The following ATP2A2 variants were observed in gnomAD, a reference collection of about 807,000 sequenced individuals.
ATP2A2 encodes the protein sarcoplasmic/endoplasmic reticulum calcium ATPase 2.
Under a neutral mutation model 109.3 loss-of-function variants are expected in ATP2A2, and 14 were observed. The observed-to-expected ratio is 0.13, with a 90% CI of 0.08 to 0.20. The LOEUF (loss-of-function observed/expected upper bound fraction) is 0.20. Ranked by LOEUF, ATP2A2 falls within the 10% of genes least tolerant of loss-of-function variation. The pLI is 1.00. For synonymous variants in ATP2A2, 506 were observed against 490.9 expected (o/e 1.03, Z -0.41); for missense variants, 657 against 1,321.6 (o/e 0.50, Z 7.80).
intron 5 of ATP2A2, among the ~76,000 whole-genome samples, chr12:110,304,949 A>G (rs1254150386): frequency 6.6e-6 from 1 of 151,336 alleles, no homozygotes; most frequent in Non-Finnish European, 1.5e-5. Context: ...TTTCTTTTTG[A>G]GACGGAGTCT....
Position 110,327,518 on chromosome 12 carries a change from T to C in ATP2A2, c.631-35T>C, listed in dbSNP as rs1353714297. On this transcript the variant is annotated intron_variant, in intron 7 of 19. Transcript: ENST00000539276. The surrounding 1 kb of genome is among the most constrained non-coding windows in gnomAD (Gnocchi z 4.4). Reference sequence around the variant, plus strand: ...TCGGTATTTAAGTTGGGATGTGGTATTCATCTTGTGACCAGTTCTCTACTT... The same window carrying C: ...TCGGTATTTAAGTTGGGATGTGGTACTCATCTTGTGACCAGTTCTCTACTT... 6.3e-7 allele frequency: 1 copy of C among 1,588,912 alleles called. No individual in the cohort carries two copies. Among genetic ancestry groups the C allele is most frequent in the Non-Finnish European group, 8.6e-7 (1 of 1,157,148 alleles).
chr12:110,316,721 CAGTG>C (rs763960236), intron 5 of ATP2A2, among the ~76,000 whole-genome samples: 4 of 152,040 alleles, frequency 2.6e-5, no homozygotes, highest in African/African-American at 4.8e-5. Context: ...TGTGGGCACA[CAGTG>C]AGGGATGCCA....
At chr12:110,309,971 CA>C (rs1317174317) in intron 5 of ATP2A2, among the ~76,000 whole-genome samples, 3 of 151,400 alleles carry the variant, frequency 2.0e-5, no homozygotes, top group Non-Finnish European at 4.4e-5. Flanking sequence ...AGTAATTCTA[CA>C]TTATCTTAAG....
rs1284794865 is a variant in ATP2A2, at chr12:110,340,834, A to G, written c.1937A>G (p.Asp646Gly). The G allele has an allele frequency of 6.8e-6, 11 of 1,614,226 alleles. No individual in the cohort carries two copies. The highest frequency in any genetic ancestry group is 9.3e-6 in the Non-Finnish European group (11 of 1,180,044). ...ATCGGCATCTTCGGGCAGGATGAGG[A>G]CGTGACGTCAAAAGCTTTCACAGGC... Reference protein sequence around the residue: ...RRIGIFGQDEDVTSKAFTGRE... With the variant: ...RRIGIFGQDEGVTSKAFTGRE... The change falls in exon 14 of 20, where the codon GAC becomes GGC. Residue 646 changes from aspartate (D) to glycine (G), a missense_variant. This residue lies in a region of ATP2A2 where 180 missense variants were observed against 329.1 expected (regional missense o/e 0.55). Coordinates refer to ENST00000539276, the MANE Select transcript of ATP2A2 (RefSeq NM_170665.4). The surrounding 1 kb of genome is among the most constrained non-coding windows in gnomAD (Gnocchi z 6.0).
chr12:110,302,293 C>T (rs1874743908), intron 5 of ATP2A2, among the ~76,000 whole-genome samples: 1 of 152,060 alleles, frequency 6.6e-6, no homozygotes, highest in Non-Finnish European at 1.5e-5. Context: ...CTTCCCTGGC[C>T]CCTGGCAACC....
Position 110,342,863 on chromosome 12 carries a change from C to T in ATP2A2, c.2319-369C>T, listed in dbSNP as rs1176185915. On this transcript the variant is annotated intron_variant, in intron 15 of 19. Transcript: ENST00000539276. The surrounding 1 kb of genome is among the most constrained non-coding windows in gnomAD (Gnocchi z 4.6). ...CTCCACCTCCTGGGTTCAAGCCTCC[C>T]GAACAGCTGGGATTACAGGCATGCG... Among the ~76,000 whole-genome samples, 2 of 152,128 alleles carry T rather than the reference C, an allele frequency of 1.3e-5. No individual in the cohort carries two copies. Among genetic ancestry groups the T allele is most frequent in the African/African-American group, 4.8e-5 (2 of 41,418 alleles).
At chr12:110,293,389 GT>G (rs1873560398) in intron 4 of ATP2A2, among the ~76,000 whole-genome samples, 1 of 79,752 alleles carries the variant, frequency 1.3e-5, no homozygotes, top group African/African-American at 5.1e-5. Context: ...TTTTTTTTTT[GT>G]TTGTTTGTTT....
In ATP2A2 at chr12:110,281,684, G is replaced by C. The variant is rs1441535865; in HGVS notation, c.-106G>C. On this transcript the variant is annotated 5_prime_UTR_variant, in exon 1 of 20. Transcript: ENST00000539276. ...CCGCAAGAGGAGGAGGGGAGAGCCCGTCCGCGCCTGGGCTCCCGGGGTGGC... is the reference window on the plus strand; with the variant it reads ...CCGCAAGAGGAGGAGGGGAGAGCCCCTCCGCGCCTGGGCTCCCGGGGTGGC... The C allele has an allele frequency of 2.8e-6, 2 of 703,682 alleles. No individual in the cohort carries two copies. Among genetic ancestry groups the C allele is most frequent in the Non-Finnish European group, 4.2e-6 (2 of 478,614 alleles). 43.6% of individuals were successfully genotyped at this position (703,682 alleles called of 1,614,324 possible). A position where few individuals can be genotyped will look rare whatever the true frequency, so the allele number is the denominator to read the frequency against.
intron 10 of ATP2A2, 126 bp from the exon 11 acceptor site, chr12:110,333,886 A>AT: frequency 8.1e-7 from 1 of 1,240,854 alleles, no homozygotes; most frequent in South Asian, 1.3e-5. Context: ...TCAGAGGAGG[A>AT]TAAAAATGGC....
chr12:110,282,586 A>G lies in ATP2A2; in HGVS notation c.119-18A>G. 1 of 1,613,830 alleles carries G rather than the reference A, an allele frequency of 6.2e-7. No individual in the cohort carries two copies. The highest frequency in any genetic ancestry group is 8.5e-7 in the Non-Finnish European group (1 of 1,179,924). On this transcript the variant is annotated intron_variant, in intron 1 of 19. Coordinates refer to ENST00000539276, the MANE Select transcript of ATP2A2 (RefSeq NM_170665.4). ...CTCCCTCTTGACACATTGCTTGACG[A>G]ATTTCTACATTCTACAGAGTTACCG...
At chr12:110,280,764 C>T (rs1319507200), upstream of ATP2A2, 1 of 152,322 alleles carries the variant, frequency 6.6e-6, no homozygotes, top group East Asian at 1.9e-4. Context: ...CTGAGGGGGG[C>T]TCTGAAGGAG....
intron 9 of ATP2A2, 130 bp from the exon 10 acceptor site, chr12:110,333,051 T>C (rs185852732): frequency 2.0e-4 from 164 of 834,724 alleles, no homozygotes; most frequent in African/African-American, 1.9e-3. Context: ...TCAAATTGTT[T>C]GGAATTTTTT....
At chr12:110,335,307 G>GTCTC (rs1205052003) in intron 11 of ATP2A2, among the ~76,000 whole-genome samples, 1 of 152,186 alleles carries the variant, frequency 6.6e-6, no homozygotes, top group Non-Finnish European at 1.5e-5. Flanking sequence ...CATCCATTGA[G>GTCTC]TCTCTAGCAC....
At chr12:110,305,476 A>G (rs934973441) in intron 5 of ATP2A2, among the ~76,000 whole-genome samples, 11 of 152,174 alleles carry the variant, frequency 7.2e-5, no homozygotes, top group Admixed American at 5.9e-4. Flanking sequence ...TTGCATGTGG[A>G]TATTTAGTTG....
In ATP2A2 at chr12:110,349,511, G is replaced by T; in HGVS notation, c.*3041G>T. ...CAGAATGCAGATGATCCATTCTGGA[G>T]GAAGCTGTCCCTTGAGCTCAGTGAG... On this transcript the variant is annotated 3_prime_UTR_variant, in exon 20 of 20. Coordinates refer to ENST00000539276, the MANE Select transcript of ATP2A2 (RefSeq NM_170665.4). 1 of 985,996 alleles carries T rather than the reference G, an allele frequency of 1.0e-6. No homozygotes were observed. Among genetic ancestry groups the T allele is most frequent in the Non-Finnish European group, 1.2e-6 (1 of 830,322 alleles). The allele number at this position is 985,996 out of a possible 1,614,324, so 61.1% of individuals were successfully genotyped here.
chr12:110,347,875 T>G lies in ATP2A2; in HGVS notation c.*1405T>G, dbSNP rs1157550877. The stretch of plus-strand genomic sequence containing the variant: ...GAGATAACTGTATGTCACTAACTTA[T>G]AAGCCGCCTCCATGGCAGATGCTGC... On this transcript the variant is annotated 3_prime_UTR_variant, in exon 20 of 20. Coordinates refer to ENST00000539276, the MANE Select transcript of ATP2A2 (RefSeq NM_170665.4). The G allele has an allele frequency of 1.0e-6, 1 of 1,001,174 alleles. No individual in the cohort carries two copies. The highest frequency in any genetic ancestry group is 1.2e-6 in the Non-Finnish European group (1 of 839,600). 62.0% of individuals were successfully genotyped at this position (1,001,174 alleles called of 1,614,324 possible). A position where few individuals can be genotyped will look rare whatever the true frequency, so the allele number is the denominator to read the frequency against.
chr12:110,280,949 C>T (rs1871969620), upstream of ATP2A2: 1 of 152,220 alleles, frequency 6.6e-6, no homozygotes, highest in African/African-American at 2.4e-5. Flanking sequence ...GTGAGCGCCC[C>T]ACCCTGCGTC....
rs1048169343 is a variant in ATP2A2 at position 110,349,593 on chromosome 12, C to G, written c.*3123C>G. ...CCCTCACAACAGCTGCTCCCACATCCCCTCGGACTGGAGCTTCAGCCCTGA... is the reference window on the plus strand; with the variant it reads ...CCCTCACAACAGCTGCTCCCACATCGCCTCGGACTGGAGCTTCAGCCCTGA... On this transcript the variant is annotated 3_prime_UTR_variant, in exon 20 of 20. Transcript: ENST00000539276. The G allele has an allele frequency of 2.0e-6, 2 of 986,484 alleles. No homozygotes were observed. Among genetic ancestry groups the G allele is most frequent in the Non-Finnish European group, 2.4e-6 (2 of 830,716 alleles). The allele number at this position is 986,484 out of a possible 1,614,324, so 61.1% of individuals were successfully genotyped here.
chr12:110,313,704 AC>A (rs1876351058), intron 5 of ATP2A2, among the ~76,000 whole-genome samples: 3 of 135,488 alleles, frequency 2.2e-5, no homozygotes, highest in African/African-American at 8.5e-5. Flanking sequence ...AGATAATGGA[AC>A]TTTTTTTTTT....
Sources: allele counts gnomAD v4.1 joint callset (sites outside exome capture counted in the v4.1 genomes callset), GRCh38; gene constraint gnomAD v4.1.1; regional missense constraint gnomAD v4.1.1; non-coding constraint Gnocchi (gnomAD v3.1); transcripts MANE v1.5; gene names NCBI Gene and HGNC (gene_info 2026-07-23, HGNC 2026-07-21).